TRPM6: variants seen among roughly 807,000 people sequenced by gnomAD.
TRPM6 encodes the protein transient receptor potential cation channel subfamily M member 6.
Under a neutral mutation model 247.6 loss-of-function variants are expected in TRPM6, and 111 were observed. That is an observed-to-expected ratio of 0.45 (90% CI 0.38 to 0.52). The LOEUF is 0.52. Ranked by LOEUF, TRPM6 falls within the 20% of genes least tolerant of loss-of-function variation. The pLI is 0.00. For missense variants in TRPM6, 2,126 were observed against 2,421.5 expected (o/e 0.88, Z 2.56); for synonymous variants, 892 against 853.8 (o/e 1.04, Z -0.78).
intron 8 of TRPM6, among the ~76,000 whole-genome samples, chr9:74,821,226 C>T (rs1482714482): frequency 1.3e-5 from 2 of 152,138 alleles, no homozygotes; most frequent in Admixed American, 6.5e-5. Flanking sequence ...AGAATTAAAG[C>T]CTGAAATAAG....
chr9:74,866,824 T>C (rs1830859868), intron 1 of TRPM6, among the ~76,000 whole-genome samples: 1 of 152,172 alleles, frequency 6.6e-6, no homozygotes, highest in Non-Finnish European at 1.5e-5. Flanking sequence ...TGAAACTTCT[T>C]GAGCTTAGGA....
At position 74,762,560 on chromosome 9, in the gene TRPM6, C is replaced by T. The variant is rs750255872; in HGVS notation, c.4111G>A (p.Asp1371Asn). 1.4e-5 allele frequency: 23 copies of T among 1,614,218 alleles called. No homozygotes were observed. The highest frequency in any genetic ancestry group is 1.9e-5 in the Non-Finnish European group (23 of 1,180,040). The change falls in exon 26 of 39, where the codon GAT (aspartate) becomes AAT (asparagine). Residue 1371 changes from aspartate to asparagine, a missense_variant. Asp to Asn is a conservative substitution (Grantham distance 23). This residue lies in a region of TRPM6 where 717 missense variants were observed against 715.9 expected (regional missense o/e 1.00). Transcript: ENST00000360774. ...ATGTCCTGTTCAGTTGCCAGCACAT[C>T]TGGCACAGAGGGTCTGGACAGAGGC... The part of the protein sequence containing the change: ...VLPLSRPSVP[D>N]VLATEQDIQT...
At chr9:74,763,814 T>C (rs1826735806) in intron 25 of TRPM6, among the ~76,000 whole-genome samples, 1 of 152,180 alleles carries the variant, frequency 6.6e-6, no homozygotes, top group Non-Finnish European at 1.5e-5. Context: ...ACACAACACA[T>C]GTTCACCTTT....
intron 3 of TRPM6, among the ~76,000 whole-genome samples, chr9:74,850,011 A>G (rs2376269): frequency 0.58 from 88,212 of 152,160 alleles, 25,812 homozygotes; most frequent in East Asian, 0.78. Flanking sequence ...TGAGCAGCAT[A>G]TGAAGTAGCA....
chr9:74,816,981 CAGAG>C lies in TRPM6; in HGVS notation c.1135-21_1135-18del. On this transcript the variant is annotated intron_variant, in intron 9 of 38. Coordinates refer to ENST00000360774, the MANE Select transcript of TRPM6 (RefSeq NM_017662.5). ...TATGGTAATCTACAACAGTGAAAAA[CAGAG>C]AGCCATACATTTGGGGAACTACCAA... 1 of 1,609,238 alleles carries C rather than the reference CAGAG, an allele frequency of 6.2e-7. No homozygotes were observed. Among genetic ancestry groups the C allele is most frequent in the East Asian group, 2.2e-5 (1 of 44,862 alleles).
At chr9:74,887,509 AC>A in intron 1 of TRPM6, 3 of 1,126,756 alleles carry the variant, frequency 2.7e-6, no homozygotes, top group Non-Finnish European at 3.8e-6. Context: ...GGTGTTTCCC[AC>A]CGCCCCGAGC....
chr9:74,728,380 G>C, intron 37 of TRPM6, 35 bp from the exon 38 acceptor site: 1 of 1,471,952 alleles, frequency 6.8e-7, no homozygotes, highest in Non-Finnish European at 9.5e-7. Context: ...TTAGATCACA[G>C]CTAAGAAAAA....
chr9:74,850,746 A>C (rs1024670642), intron 3 of TRPM6, among the ~76,000 whole-genome samples: 1 of 152,136 alleles, frequency 6.6e-6, no homozygotes, highest in African/African-American at 2.4e-5. Context: ...AACAAACAAA[A>C]AAAAGGCAAA....
intron 3 of TRPM6, among the ~76,000 whole-genome samples, chr9:74,850,834 C>T (rs1198734174): frequency 6.6e-6 from 1 of 152,140 alleles, no homozygotes; most frequent in Admixed American, 6.5e-5. Flanking sequence ...ACCGAATATA[C>T]ATAATCAGGA....
rs986685807 is a variant in TRPM6 at position 74,816,550 on chromosome 9, A to G, written c.1308+119T>C. ...AGTGTCTTAGCTATCCCAGCTACAG[A>G]GATGCTACCCCACACTTCTACCAAA... On this transcript the variant is annotated intron_variant, in intron 11 of 38. Transcript: ENST00000360774. The G allele has an allele frequency of 3.8e-6, 3 of 785,204 alleles. No homozygotes were observed. In the African/African-American group the frequency reaches 5.1e-5, roughly 13 times the overall value. The allele number at this position is 785,204 out of a possible 1,614,324, so 48.6% of individuals were successfully genotyped here.
intron 5 of TRPM6, among the ~76,000 whole-genome samples, chr9:74,836,515 A>C (rs946655597): frequency 2.0e-5 from 3 of 152,188 alleles, no homozygotes; most frequent in Non-Finnish European, 4.4e-5. Flanking sequence ...CATCCACCCC[A>C]GTAGAGATTC....
intron 17 of TRPM6, among the ~76,000 whole-genome samples, chr9:74,798,175 G>C (rs1335294290): frequency 6.6e-6 from 1 of 151,836 alleles, no homozygotes; most frequent in Non-Finnish European, 1.5e-5. Context: ...TTAGTATTCT[G>C]GTATTCAGTG....
intron 11 of TRPM6, among the ~76,000 whole-genome samples, chr9:74,813,779 T>G (rs761755899): frequency 1.3e-5 from 2 of 152,218 alleles, no homozygotes; most frequent in Non-Finnish European, 2.9e-5. Context: ...CTCTCATTCA[T>G]ATCCTCAAAA....
chr9:74,792,765 C>T lies in TRPM6; in HGVS notation c.2397G>A (p.Glu799=). Residue 799 remains glutamate, a synonymous_variant, in exon 19 of 39, where the codon GAG becomes GAA. Transcript: ENST00000360774. The stretch of plus-strand genomic sequence containing the variant: ...CATCATGGCCCCTTTCCAAATCATA[C>T]TCTTTCTATAAAATAAACAAATAAT... ...SSSKESASVK[E]YDLERGHDEK... is the part of the protein sequence containing the mutation. The T allele has an allele frequency of 6.2e-7, 1 of 1,613,662 alleles. No homozygotes were observed. The highest frequency in any genetic ancestry group is 8.5e-7 in the Non-Finnish European group (1 of 1,179,606).
At chr9:74,842,516 A>G (rs1829976910) in intron 3 of TRPM6, among the ~76,000 whole-genome samples, 173 bp from the exon 4 acceptor site, 1 of 152,228 alleles carries the variant, frequency 6.6e-6, no homozygotes, top group Admixed American at 6.5e-5. Flanking sequence ...AAACACTATT[A>G]GTGGTTCTCT....
At chr9:74,822,413 C>T (rs936234509) in intron 7 of TRPM6, among the ~76,000 whole-genome samples, 3 of 143,672 alleles carry the variant, frequency 2.1e-5, no homozygotes, top group South Asian at 2.2e-4. Context: ...CCACACCTAG[C>T]TTTTTTTTTT....
intron 11 of TRPM6, among the ~76,000 whole-genome samples, chr9:74,812,658 G>C (rs550168912): frequency 6.6e-6 from 1 of 152,158 alleles, no homozygotes; most frequent in South Asian, 2.1e-4. Context: ...TGGAGGCTGA[G>C]GCAGGTGGAT....
chr9:74,739,936 C>A lies in TRPM6; in HGVS notation c.5274G>T (p.Trp1758Cys). 1 of 1,614,126 alleles carries A rather than the reference C, an allele frequency of 6.2e-7. No homozygotes were observed. The highest frequency in any genetic ancestry group is 8.5e-7 in the Non-Finnish European group (1 of 1,180,016). ...TCATTGCCGCTCTCCCACGCTGAGA[C>A]CAAGAGGACATGCTTTTATCAAGGT... ...PLNLDKSMSS[W>C]SQRGRAAMIQ... Residue 1758 changes from tryptophan to cysteine, a missense_variant, in exon 34 of 39, where the codon TGG becomes TGT. Transcript: ENST00000360774.
intron 11 of TRPM6, among the ~76,000 whole-genome samples, chr9:74,813,555 A>G (rs1828811903): frequency 2.0e-5 from 3 of 152,228 alleles, no homozygotes. Context: ...GAGAAAAGAC[A>G]TGAATATGTT....
Sources: gnomAD v4.1 joint callset for allele counts (sites outside exome capture counted in the v4.1 genomes callset) on GRCh38, gnomAD v4.1.1 for gene constraint, gnomAD v4.1.1 regional missense constraint, MANE v1.5 for transcripts, NCBI Gene and HGNC (gene_info 2026-07-23, HGNC 2026-07-21) for gene names.